PLXNA4: variants seen among roughly 807,000 people sequenced by gnomAD.
PLXNA4 encodes the protein plexin A4.
In PLXNA4, 44 loss-of-function variants were observed where a neutral mutation model predicts 191.8. The ratio of observed to expected loss-of-function variants is 0.23; its 90% confidence interval spans 0.18 to 0.29. PLXNA4 has a LOEUF of 0.29. Among genes scored for constraint, PLXNA4 ranks in the 10% least tolerant of loss-of-function variants. The pLI is 1.00. For synonymous variants in PLXNA4, 1,082 were observed against 1,009.5 expected (o/e 1.07, Z -1.36); for missense variants, 1,800 against 2,488.8 (o/e 0.72, Z 5.89).
At chr7:132,179,418 AG>A in intron 20 of PLXNA4, among the ~76,000 whole-genome samples, 1 of 150,678 alleles carries the variant, frequency 6.6e-6, no homozygotes, top group African/African-American at 2.4e-5. Context: ...GCACGCACAC[AG>A]ACACATATAC....
chr7:132,481,209 A>T (rs964788399), intron 3 of PLXNA4, among the ~76,000 whole-genome samples: 2 of 152,124 alleles, frequency 1.3e-5, no homozygotes, highest in African/African-American at 4.8e-5. Context: ...AAGAGGGGAA[A>T]ATCAGTTTCA....
chr7:132,519,737 C>T (rs1478326348), intron 1 of PLXNA4, among the ~76,000 whole-genome samples: 1 of 152,220 alleles, frequency 6.6e-6, no homozygotes, highest in Non-Finnish European at 1.5e-5. Flanking sequence ...TTTTGGCTCA[C>T]AGCCAGTCAT....
At chr7:132,614,115 GC>G (rs1803106082) in intron 2 of PLXNA4, among the ~76,000 whole-genome samples, 1 of 152,174 alleles carries the variant, frequency 6.6e-6, no homozygotes, top group Non-Finnish European at 1.5e-5. Flanking sequence ...TTTTCTAGTA[GC>G]CACATTAGAG....
chr7:132,333,552 T>A (rs1278404852), intron 3 of PLXNA4, among the ~76,000 whole-genome samples: 1 of 152,152 alleles, frequency 6.6e-6, no homozygotes, highest in East Asian at 1.9e-4. Flanking sequence ...GGAGCTGCAA[T>A]GGTGCTCTTA....
chr7:132,241,840 A>T (rs567152114), intron 4 of PLXNA4, among the ~76,000 whole-genome samples: 3 of 152,140 alleles, frequency 2.0e-5, no homozygotes, highest in Non-Finnish European at 4.4e-5. Flanking sequence ...CACTCTTTTC[A>T]TGACTAGAGG....
chr7:132,552,955 G>A (rs1563167356), intron 1 of PLXNA4, among the ~76,000 whole-genome samples: 1 of 152,208 alleles, frequency 6.6e-6, no homozygotes, highest in Non-Finnish European at 1.5e-5. Flanking sequence ...TCTGCCAGGA[G>A]GCAGGGGATT....
chr7:132,422,644 G>A (rs1038431338), intron 3 of PLXNA4, among the ~76,000 whole-genome samples: 11 of 152,268 alleles, frequency 7.2e-5, no homozygotes, highest in East Asian at 1.9e-4. Flanking sequence ...GCTAATTCAC[G>A]ATGTGCTTAG....
chr7:132,376,336 C>T (rs941498655), intron 3 of PLXNA4, among the ~76,000 whole-genome samples: 5 of 152,108 alleles, frequency 3.3e-5, no homozygotes, highest in African/African-American at 1.2e-4. Flanking sequence ...AAGAAGAAAT[C>T]CATGTCTCTG....
At position 132,234,918 on chromosome 7, in the gene PLXNA4, C is replaced by T. The variant is rs1210513125; in HGVS notation, c.1604+6148G>A. 2.0e-5 allele frequency among the ~76,000 whole-genome samples: 3 copies of T among 152,122 alleles called. No individual in the cohort carries two copies. The East Asian group carries it at 5.8e-4, about 29-fold the overall frequency. Reference sequence around the variant, plus strand: ...AGCAGCCCTAGGAGAGATCAGTGACCAGCAGATTAGTGTTAAGTAGCCCTT... The same window carrying T: ...AGCAGCCCTAGGAGAGATCAGTGACTAGCAGATTAGTGTTAAGTAGCCCTT... On this transcript the variant is annotated intron_variant, in intron 5 of 31. Transcript: ENST00000321063.
At chr7:132,571,641 C>G (rs942752607) in intron 1 of PLXNA4, among the ~76,000 whole-genome samples, 1 of 152,202 alleles carries the variant, frequency 6.6e-6, no homozygotes, top group Non-Finnish European at 1.5e-5. Flanking sequence ...CCTAAACTCT[C>G]TTCTCAGCCT....
intron 4 of PLXNA4, among the ~76,000 whole-genome samples, chr7:132,271,424 C>T (rs1402157778): frequency 1.9e-5 from 2 of 107,942 alleles, no homozygotes. Context: ...GAACTTTAGT[C>T]ACTTAGGAAA....
intron 2 of PLXNA4, among the ~76,000 whole-genome samples, chr7:132,585,022 C>G: frequency 6.6e-6 from 1 of 152,170 alleles, no homozygotes; most frequent in East Asian, 1.9e-4. Flanking sequence ...GTGAAGGTCA[C>G]GCAGCAGCCT....
rs1469319763 is a variant in PLXNA4, at chr7:132,508,134, G to A, written c.560C>T (p.Thr187Met). 1 of 1,614,180 alleles carries A rather than the reference G, an allele frequency of 6.2e-7. No individual in the cohort carries two copies. The highest frequency in any genetic ancestry group is 8.5e-7 in the Non-Finnish European group (1 of 1,180,042). ...SNLDDKLFIA[T>M]AVDGKPEYFP... Reference sequence around the variant, plus strand: ...ATACTCGGGCTTCCCATCCACTGCCGTGGCAATGAACAGCTTGTCATCCAG... The same window carrying A: ...ATACTCGGGCTTCCCATCCACTGCCATGGCAATGAACAGCTTGTCATCCAG... The change falls in exon 2 of 32, where the codon ACG (threonine) becomes ATG (methionine). Residue 187 changes from threonine (T) to methionine (M), a missense_variant. This residue lies in a region of PLXNA4 where 1,397 missense variants were observed against 1,880.4 expected (regional missense o/e 0.74). Coordinates refer to ENST00000321063, the MANE Select transcript of PLXNA4 (RefSeq NM_020911.2). The surrounding 1 kb of genome is among the most constrained non-coding windows in gnomAD (Gnocchi z 4.4).
chr7:132,563,149 TCC>T, intron 1 of PLXNA4, among the ~76,000 whole-genome samples: 2 of 82,900 alleles, frequency 2.4e-5, no homozygotes, highest in African/African-American at 8.8e-5. Flanking sequence ...CTCCTCTTCC[TCC>T]TTCTCCTCCT....
At chr7:132,420,983 A>G (rs1794830386) in intron 3 of PLXNA4, among the ~76,000 whole-genome samples, 2 of 152,320 alleles carry the variant, frequency 1.3e-5, no homozygotes, top group African/African-American at 4.8e-5. Context: ...GCCCAGTCTC[A>G]GGTATGTCTT....
chr7:132,219,620 C>T (rs1191177326), intron 9 of PLXNA4, among the ~76,000 whole-genome samples: 1 of 152,120 alleles, frequency 6.6e-6, no homozygotes, highest in African/African-American at 2.4e-5. Context: ...ACATAGGTGT[C>T]TGGGGGCTTC....
At chr7:132,313,040 G>A (rs572872317) in intron 3 of PLXNA4, among the ~76,000 whole-genome samples, 73 of 152,190 alleles carry the variant, frequency 4.8e-4, no homozygotes, top group Middle Eastern at 3.4e-3. Flanking sequence ...TGGTCTTGAG[G>A]CAGGAGCTGC....
upstream of PLXNA4, among the ~76,000 whole-genome samples, chr7:132,580,277 A>G (rs1434702115): frequency 6.6e-6 from 1 of 152,168 alleles, no homozygotes; most frequent in East Asian, 1.9e-4. Flanking sequence ...ATACACAGGC[A>G]AAAGCAGCAT....
At chr7:132,598,635 G>A (rs1227513003) in intron 2 of PLXNA4, among the ~76,000 whole-genome samples, 1 of 152,028 alleles carries the variant, frequency 6.6e-6, no homozygotes, top group Non-Finnish European at 1.5e-5. Context: ...AGTTCTCATC[G>A]TTTGCTTGTT....
Sources: allele counts gnomAD v4.1 joint callset (sites outside exome capture counted in the v4.1 genomes callset), GRCh38; gene constraint gnomAD v4.1.1; regional missense constraint gnomAD v4.1.1; non-coding constraint Gnocchi (gnomAD v3.1); transcripts MANE v1.5; gene names NCBI Gene and HGNC (gene_info 2026-07-23, HGNC 2026-07-21).